The following GOLGA4 variants were observed in gnomAD, a reference collection of about 807,000 sequenced individuals.
GOLGA4 encodes the protein golgin subfamily A member 4.
Under a neutral mutation model 265.9 loss-of-function variants are expected in GOLGA4, and 169 were observed. That is an observed-to-expected ratio of 0.64 (90% confidence interval 0.56 to 0.72). The LOEUF (loss-of-function observed/expected upper bound fraction) is 0.72. GOLGA4 is among the 30% of genes least tolerant of loss of function. The pLI, the probability that GOLGA4 is intolerant of heterozygous loss-of-function variation, is 0.00. For synonymous variants in GOLGA4, 923 were observed against 855.8 expected, an observed-to-expected ratio of 1.08 and a Z score of -1.37; for missense variants, 2,482 against 2,483.4, an observed-to-expected ratio of 1.00 and a Z score of 0.01.
intron 10 of GOLGA4, among the ~76,000 whole-genome samples, chr3:37,308,004 C>T (rs978156623): frequency 5.9e-5 from 9 of 152,202 alleles, no homozygotes; most frequent in East Asian, 5.8e-4. Context: ...GAGACTGAGG[C>T]GGGTGGATTA....
chr3:37,307,738 T>C (rs958603401), intron 10 of GOLGA4, among the ~76,000 whole-genome samples: 3 of 152,232 alleles, frequency 2.0e-5, no homozygotes, highest in African/African-American at 7.2e-5. Flanking sequence ...AAATTTATTT[T>C]AAGTGGCTTT....
At chr3:37,251,286 CCTTT>C in intron 1 of GOLGA4, 105 bp from the exon 2 acceptor site, 2 of 647,040 alleles carry the variant, frequency 3.1e-6, no homozygotes, top group Non-Finnish European at 5.4e-6. Context: ...TTGCTCTTTT[CCTTT>C]CTTTCACTGA....
Position 37,243,302 on chromosome 3 carries a change from C to G in GOLGA4, c.-249C>G. 1.8e-6 allele frequency: 1 copy of G among 548,972 alleles called. No homozygotes were observed. The highest frequency in any genetic ancestry group is 3.2e-6 in the Non-Finnish European group (1 of 309,354). The allele number at this position is 548,972 out of a possible 1,614,324, so 34.0% of individuals were successfully genotyped here. On this transcript the variant is annotated 5_prime_UTR_variant, in exon 1 of 24. Transcript: ENST00000361924. ...CCTGCTGCCGTTGTCGTCGCCGCCGCGGCTCCCGGGGCTGGATGGGGGGCC... is the reference window on the plus strand; with the variant it reads ...CCTGCTGCCGTTGTCGTCGCCGCCGGGGCTCCCGGGGCTGGATGGGGGGCC...
intron 5 of GOLGA4, among the ~76,000 whole-genome samples, chr3:37,293,850 A>G (rs1224151267): frequency 6.6e-6 from 1 of 152,230 alleles, no homozygotes; most frequent in African/African-American, 2.4e-5. Flanking sequence ...ATAACCTGCT[A>G]TATACCTAGG....
chr3:37,290,471 T>C (rs1559388167), intron 5 of GOLGA4, among the ~76,000 whole-genome samples: 1 of 152,162 alleles, frequency 6.6e-6, no homozygotes, highest in South Asian at 2.1e-4. Flanking sequence ...GATTATATCA[T>C]TTACCACAAT....
chr3:37,296,270 G>C, intron 7 of GOLGA4, 51 bp downstream of exon 7: 4 of 1,579,044 alleles, frequency 2.5e-6, no homozygotes, highest in Non-Finnish European at 2.6e-6. Context: ...GGAGAGCCAG[G>C]CTCCTTGGCT....
At chr3:37,273,583 T>C (rs1350088169) in intron 2 of GOLGA4, 5 of 1,496,986 alleles carry the variant, frequency 3.3e-6, no homozygotes, top group South Asian at 1.2e-5. Context: ...TTAATGGAAG[T>C]GAACCAAGCA....
chr3:37,311,762 G>A lies in GOLGA4; in HGVS notation c.1235-3658G>A, dbSNP rs375933879. ...CATCCTACTTTCATTGTTGTATGATGGATAATAAATTGACTTGGACAAACT... is the reference window on the plus strand; with the variant it reads ...CATCCTACTTTCATTGTTGTATGATAGATAATAAATTGACTTGGACAAACT... On this transcript the variant is annotated intron_variant, in intron 10 of 23. Coordinates refer to ENST00000361924, the MANE Select transcript of GOLGA4 (RefSeq NM_002078.5). Among the ~76,000 whole-genome samples, 258 of 152,200 alleles carry A rather than the reference G, an allele frequency of 1.7e-3. 4 individuals carry two copies. The highest frequency in any genetic ancestry group is 5.7e-3 in the African/African-American group (235 of 41,524).
chr3:37,293,005 C>T (rs941446823), intron 5 of GOLGA4, among the ~76,000 whole-genome samples: 6 of 152,114 alleles, frequency 3.9e-5, no homozygotes, highest in East Asian at 1.9e-4. Context: ...GTGTTTTGCT[C>T]GGGCAATTCT....
intron 23 of GOLGA4, among the ~76,000 whole-genome samples, chr3:37,363,004 G>T (rs753194264): frequency 6.6e-6 from 1 of 151,650 alleles, no homozygotes; most frequent in East Asian, 1.9e-4. Flanking sequence ...GGATAGTCTC[G>T]ATCTCCTGAC....
chr3:37,329,198 GTT>G (rs928277917), intron 16 of GOLGA4, 105 bp downstream of exon 16: 66 of 697,520 alleles, frequency 9.5e-5, no homozygotes, highest in Admixed American at 2.6e-4. Context: ...AACGAAAAGG[GTT>G]TTTTTTTTTG....
At chr3:37,276,551 A>C in intron 2 of GOLGA4, 1 of 1,598,536 alleles carries the variant, frequency 6.3e-7, no homozygotes, top group South Asian at 1.1e-5. Flanking sequence ...ACCAGTGACA[A>C]CATTTGTTGT....
intron 9 of GOLGA4, among the ~76,000 whole-genome samples, chr3:37,300,848 CTT>C (rs1172131521): frequency 6.6e-6 from 1 of 152,070 alleles, no homozygotes; most frequent in African/African-American, 2.4e-5. Flanking sequence ...ATTTTTTGCT[CTT>C]TTATGAATCA....
Position 37,326,095 on chromosome 3 carries a change from T to C in GOLGA4, c.4209T>C (p.Tyr1403=), listed in dbSNP as rs2096969928. The change falls in exon 14 of 24, where the codon TAT becomes TAC. Residue 1403 remains tyrosine (Y), a synonymous_variant. Coordinates refer to ENST00000361924, the MANE Select transcript of GOLGA4 (RefSeq NM_002078.5). ...EAAISSLRKQ[Y]DEEKCELLDQ... Reference sequence around the variant, plus strand: ...CCATTTCATCACTAAGAAAGCAGTATGATGAAGAAAAATGTGAATTGCTGG... The same window carrying C: ...CCATTTCATCACTAAGAAAGCAGTACGATGAAGAAAAATGTGAATTGCTGG... 1.2e-6 allele frequency: 2 copies of C among 1,613,664 alleles called. No homozygotes were observed. Among genetic ancestry groups the C allele is most frequent in the Non-Finnish European group, 1.7e-6 (2 of 1,179,672 alleles).
chr3:37,284,264 C>G (rs1193092410), intron 3 of GOLGA4, among the ~76,000 whole-genome samples: 1 of 152,040 alleles, frequency 6.6e-6, no homozygotes, highest in Non-Finnish European at 1.5e-5. Flanking sequence ...AATGTGAACA[C>G]CATTTTTCTT....
intron 2 of GOLGA4, among the ~76,000 whole-genome samples, chr3:37,269,816 G>A (rs2096793223): frequency 6.6e-6 from 1 of 150,698 alleles, no homozygotes; most frequent in Admixed American, 6.6e-5. Flanking sequence ...ATATATATAT[G>A]AGGAGAAGTT....
At chr3:37,251,519 A>C (rs1326765648) in intron 2 of GOLGA4, 35 bp downstream of exon 2, 9 of 1,234,688 alleles carry the variant, frequency 7.3e-6, no homozygotes, top group Non-Finnish European at 1.1e-5. Context: ...TATACCTCTC[A>C]AAAGAAACTA....
chr3:37,354,973 A>G (rs1424456647), intron 21 of GOLGA4, 128 bp from the exon 22 acceptor site: 2 of 619,084 alleles, frequency 3.2e-6, no homozygotes, highest in African/African-American at 1.8e-5. Flanking sequence ...ATACCTTCAC[A>G]TCATACTTCT....
rs183908391 is a variant in GOLGA4 at position 37,323,550 on chromosome 3, C to T, written c.1702-38C>T. The T allele has an allele frequency of 1.7e-4, 213 of 1,281,944 alleles. 1 individual carries two copies. Among genetic ancestry groups the T allele is most frequent in the Admixed American group, 1.1e-3 (48 of 44,576 alleles). 79.4% of individuals were successfully genotyped at this position (1,281,944 alleles called of 1,614,324 possible). On this transcript the variant is annotated intron_variant, in intron 13 of 23. Coordinates refer to ENST00000361924, the MANE Select transcript of GOLGA4 (RefSeq NM_002078.5). ...GTGTATCATTGTTAGTAGACAAGTA[C>T]GTACTTTAATAAAAATGCATCTGTT...
Sources: allele counts gnomAD v4.1 joint callset (sites outside exome capture counted in the v4.1 genomes callset), GRCh38; gene constraint gnomAD v4.1.1; transcripts MANE v1.5; gene names NCBI Gene and HGNC (gene_info 2026-07-23, HGNC 2026-07-21).